Variants in ZFYVE9 observed in about 807,000 individuals in gnomAD.
ZFYVE9 encodes the protein zinc finger FYVE domain-containing protein 9.
A neutral mutation model predicts 126.7 loss-of-function variants in ZFYVE9; 43 were observed. The observed-to-expected ratio is 0.34, with a 90% CI of 0.27 to 0.44. The LOEUF (loss-of-function observed/expected upper bound fraction) is 0.44. Among genes scored for constraint, ZFYVE9 ranks in the 20% least tolerant of loss-of-function variants. The probability of loss-of-function intolerance (pLI) is 1.00; values close to 1 mark genes in which losing one functional copy is unlikely to be tolerated. For missense variants in ZFYVE9, 1,476 were observed against 1,697.0 expected (o/e 0.87, Z 2.29); for synonymous variants, 521 against 597.4 (o/e 0.87, Z 1.87).
Position 52,237,846 on chromosome 1 carries a change from A to G in ZFYVE9, c.429A>G (p.Pro143=). Residue 143 remains proline, a synonymous_variant, in exon 4 of 19, where the codon CCA becomes CCG. Transcript: ENST00000287727. ...AATGTGGAAACCTGGCTTGTCTGCCAGATGAGAAGAATGTTCTTGTTGTAG... is the reference window on the plus strand; with the variant it reads ...AATGTGGAAACCTGGCTTGTCTGCCGGATGAGAAGAATGTTCTTGTTGTAG... ...EKKCGNLACL[P]DEKNVLVVAV... 6.2e-7 allele frequency: 1 copy of G among 1,614,114 alleles called. No homozygotes were observed. The highest frequency in any genetic ancestry group is 1.1e-5 in the South Asian group (1 of 91,080).
chr1:52,327,377 G>A (rs1646301077), intron 13 of ZFYVE9, among the ~76,000 whole-genome samples: 2 of 152,106 alleles, frequency 1.3e-5, no homozygotes, highest in Admixed American at 6.5e-5. Flanking sequence ...GCTGAGTCGG[G>A]CAGATCACAA....
intron 13 of ZFYVE9, among the ~76,000 whole-genome samples, chr1:52,307,114 A>G (rs1041441111): frequency 2.0e-5 from 3 of 152,260 alleles, no homozygotes; most frequent in African/African-American, 7.2e-5. Flanking sequence ...ATCAGATGTC[A>G]TTCCCAAGCA....
intron 13 of ZFYVE9, among the ~76,000 whole-genome samples, chr1:52,327,846 C>T (rs140985413): frequency 7.3e-5 from 11 of 150,866 alleles, no homozygotes; most frequent in African/African-American, 2.2e-4. Flanking sequence ...TGGTGGCGGG[C>T]GCCTGCAGTC....
At chr1:52,333,109 A>G (rs1176567530) in intron 14 of ZFYVE9, among the ~76,000 whole-genome samples, 191 bp downstream of exon 14, 1 of 152,068 alleles carries the variant, frequency 6.6e-6, no homozygotes, top group East Asian at 1.9e-4. Context: ...CAAATGGGAT[A>G]TGTGTTATTG....
At chr1:52,227,773 C>G (rs1452996004) in intron 2 of ZFYVE9, among the ~76,000 whole-genome samples, 9 of 152,148 alleles carry the variant, frequency 5.9e-5, no homozygotes, top group Admixed American at 5.9e-4. Flanking sequence ...CACTCTATTC[C>G]ATCCTGCTCC....
In ZFYVE9 at chr1:52,266,746, G is replaced by A. The variant is rs1238531568; in HGVS notation, c.2370G>A (p.Gln790=). ...ACTGTTCTACTATCCCTCCCTTGCA[G>A]CAAGCTCAGGCCTCAGGAGCTCTGA... ...AEYCSTIPPL[Q]QAQASGALSS... The change falls in exon 6 of 19, where the codon CAG becomes CAA. Residue 790 remains glutamine (Q), a synonymous_variant. Coordinates refer to ENST00000287727, the MANE Select transcript of ZFYVE9 (RefSeq NM_004799.4). 6.2e-7 allele frequency: 1 copy of A among 1,612,198 alleles called. No individual in the cohort carries two copies. The highest frequency in any genetic ancestry group is 8.5e-7 in the Non-Finnish European group (1 of 1,179,274).
At chr1:52,332,083 A>G (rs978139794) in intron 13 of ZFYVE9, among the ~76,000 whole-genome samples, 3 of 152,048 alleles carry the variant, frequency 2.0e-5, no homozygotes, top group Admixed American at 6.6e-5. Context: ...CCTGGCCCCA[A>G]ACTCTTTATA....
intron 9 of ZFYVE9, among the ~76,000 whole-genome samples, chr1:52,281,428 C>T (rs369964957): frequency 2.6e-5 from 4 of 152,078 alleles, no homozygotes; most frequent in South Asian, 2.1e-4. Flanking sequence ...CCACCTCGGC[C>T]GTCCTCAATC....
rs1419194730 is a variant in ZFYVE9 at position 52,187,686 on chromosome 1, C to A, written c.-142-28683C>A. Among the ~76,000 whole-genome samples, 3 of 152,282 alleles carry A rather than the reference C, an allele frequency of 2.0e-5. No individual in the cohort carries two copies. The South Asian group carries it at 6.2e-4, about 32-fold the overall frequency. On this transcript the variant is annotated intron_variant, in intron 1 of 18. Transcript: ENST00000287727. The stretch of plus-strand genomic sequence containing the variant: ...AAAGAAGACATACATGTGCGACCAA[C>A]AAGCATATGAAGGAAAGCTCACCAT...
intron 10 of ZFYVE9, among the ~76,000 whole-genome samples, chr1:52,289,258 G>A (rs1344969867): frequency 6.6e-6 from 1 of 152,042 alleles, no homozygotes; most frequent in Non-Finnish European, 1.5e-5. Context: ...GTTTTACTTT[G>A]CCACTTATTT....
At chr1:52,211,288 C>T (rs1453190362) in intron 1 of ZFYVE9, among the ~76,000 whole-genome samples, 1 of 152,162 alleles carries the variant, frequency 6.6e-6, no homozygotes, top group East Asian at 1.9e-4. Flanking sequence ...AATCACCCAT[C>T]CCACACTATC....
chr1:52,194,005 C>T (rs367754656), intron 1 of ZFYVE9, among the ~76,000 whole-genome samples: 5 of 151,802 alleles, frequency 3.3e-5, no homozygotes, highest in East Asian at 3.9e-4. Flanking sequence ...GCTTCTCGGG[C>T]GGCTGAGGCA....
At chr1:52,143,300 A>G (rs1369132266) in intron 1 of ZFYVE9, among the ~76,000 whole-genome samples, 1 of 152,208 alleles carries the variant, frequency 6.6e-6, no homozygotes, top group East Asian at 1.9e-4. Context: ...AAATTTTAGA[A>G]ATAAAATGAT....
intron 2 of ZFYVE9, among the ~76,000 whole-genome samples, chr1:52,221,078 C>A (rs1645120590): frequency 6.6e-6 from 1 of 152,202 alleles, no homozygotes; most frequent in East Asian, 1.9e-4. Flanking sequence ...ATGGACTACT[C>A]TGAAGGCATA....
chr1:52,222,089 A>T (rs1325294720), intron 2 of ZFYVE9, among the ~76,000 whole-genome samples: 4 of 152,104 alleles, frequency 2.6e-5, no homozygotes, highest in Admixed American at 2.0e-4. Flanking sequence ...TACGAATTGG[A>T]GTTTATTCTT....
Position 52,266,509 on chromosome 1 carries a change from A to G in ZFYVE9, c.2279-146A>G, listed in dbSNP as rs1346050938. ...TCTCCTTTATTACATAAAATCACCT[A>G]TCTCTTTAATACCTTCACTAGGTGG... On this transcript the variant is annotated intron_variant, in intron 5 of 18. Coordinates refer to ENST00000287727, the MANE Select transcript of ZFYVE9 (RefSeq NM_004799.4). 5 of 543,854 alleles carry G rather than the reference A, an allele frequency of 9.2e-6. No individual in the cohort carries two copies. The East Asian group carries it at 1.0e-4, about 11-fold the overall frequency. The allele number at this position is 543,854 out of a possible 1,614,324, so 33.7% of individuals were successfully genotyped here.
At chr1:52,178,773 C>T (rs1158511076) in intron 1 of ZFYVE9, among the ~76,000 whole-genome samples, 2 of 152,002 alleles carry the variant, frequency 1.3e-5, no homozygotes, top group East Asian at 3.9e-4. Flanking sequence ...AGAGTAGTAA[C>T]ATCTAGAATG....
At chr1:52,172,197 C>T (rs180682134) in intron 1 of ZFYVE9, among the ~76,000 whole-genome samples, 2 of 152,262 alleles carry the variant, frequency 1.3e-5, no homozygotes, top group Admixed American at 1.3e-4. Flanking sequence ...AGGAAGGGAT[C>T]CAGTTTCAGC....
At chr1:52,207,155 T>C (rs1195976201) in intron 1 of ZFYVE9, among the ~76,000 whole-genome samples, 1 of 152,206 alleles carries the variant, frequency 6.6e-6, no homozygotes, top group Non-Finnish European at 1.5e-5. Context: ...CACAGGGATG[T>C]TGTATATCTC....
Sources: gnomAD v4.1 joint callset for allele counts (sites outside exome capture counted in the v4.1 genomes callset) on GRCh38, gnomAD v4.1.1 for gene constraint, MANE v1.5 for transcripts, NCBI Gene and HGNC (gene_info 2026-07-23, HGNC 2026-07-21) for gene names.